The following HS6ST3 variants were observed in gnomAD, a reference collection of about 807,000 sequenced individuals.
HS6ST3 encodes the protein heparan-sulfate 6-O-sulfotransferase 3.
Under a neutral mutation model 36.7 loss-of-function variants are expected in HS6ST3, and 12 were observed. The observed-to-expected ratio is 0.33, with a 90% CI of 0.21 to 0.53. The LOEUF is 0.53. HS6ST3 is among the 20% of genes least tolerant of loss of function. HS6ST3 has a pLI of 0.95. For missense variants in HS6ST3, 584 were observed against 640.9 expected (o/e 0.91, Z 0.96); for synonymous variants, 240 against 257.5 (o/e 0.93, Z 0.65).
At chr13:96,285,699 C>A (rs2054798222) in intron 1 of HS6ST3, among the ~76,000 whole-genome samples, 1 of 152,214 alleles carries the variant, frequency 6.6e-6, no homozygotes, top group Middle Eastern at 3.4e-3. Flanking sequence ...AGGTATCTTT[C>A]GATTGCAAGG....
At chr13:96,298,685 T>C in intron 1 of HS6ST3, among the ~76,000 whole-genome samples, 1 of 152,180 alleles carries the variant, frequency 6.6e-6, no homozygotes. Context: ...CTGAACTCCA[T>C]TTCAGCTTTG....
intron 1 of HS6ST3, among the ~76,000 whole-genome samples, chr13:96,551,644 T>G (rs1341156875): frequency 6.6e-6 from 1 of 152,196 alleles, no homozygotes; most frequent in Non-Finnish European, 1.5e-5. Context: ...AATTCACATT[T>G]TGACCTAATT....
At chr13:96,102,109 C>T (rs1425391704) in intron 1 of HS6ST3, among the ~76,000 whole-genome samples, 2 of 152,124 alleles carry the variant, frequency 1.3e-5, no homozygotes, top group Non-Finnish European at 2.9e-5. Context: ...CCCCACACAG[C>T]TTCCTTGAGT....
intron 1 of HS6ST3, among the ~76,000 whole-genome samples, chr13:96,576,566 T>G (rs2056321963): frequency 6.6e-6 from 1 of 152,184 alleles, no homozygotes; most frequent in Non-Finnish European, 1.5e-5. Context: ...TTGCTAAACT[T>G]TCACCCTTGA....
chr13:96,563,143 C>T lies in HS6ST3; in HGVS notation c.708-269347C>T, dbSNP rs2056268749. ...AATTTAATTTTTCTAATAAATCAAA[C>T]CTTCTAATCATCTTACATAGGTATT... On this transcript the variant is annotated intron_variant, in intron 1 of 1. Coordinates refer to ENST00000376705, the MANE Select transcript of HS6ST3 (RefSeq NM_153456.4). Among the ~76,000 whole-genome samples the T allele has an allele frequency of 2.0e-5, 3 of 151,604 alleles. No individual in the cohort carries two copies. In the South Asian group the frequency reaches 6.3e-4, roughly 32 times the overall value.
At chr13:96,679,880 G>A (rs2056712218) in intron 1 of HS6ST3, among the ~76,000 whole-genome samples, 1 of 152,162 alleles carries the variant, frequency 6.6e-6, no homozygotes. Flanking sequence ...CTTGGCCCCG[G>A]TCTTAAGAGC....
Position 96,420,439 on chromosome 13 carries a change from C to G in HS6ST3, c.707+328870C>G, listed in dbSNP as rs1461421168. On this transcript the variant is annotated intron_variant, in intron 1 of 1. Coordinates refer to ENST00000376705, the MANE Select transcript of HS6ST3 (RefSeq NM_153456.4). ...ATTCATGATATACTTGCTGAATGTA[C>G]TATAACATATCACTTAGACTCGGTG... is the stretch of plus-strand genomic sequence containing the variant. Among the ~76,000 whole-genome samples, 5 of 152,168 alleles carry G rather than the reference C, an allele frequency of 3.3e-5. No individual in the cohort carries two copies. The East Asian group carries it at 9.6e-4, about 29-fold the overall frequency.
At chr13:96,597,587 T>C (rs1259400349) in intron 1 of HS6ST3, among the ~76,000 whole-genome samples, 1 of 152,054 alleles carries the variant, frequency 6.6e-6, no homozygotes, top group Admixed American at 6.6e-5. Flanking sequence ...GGATATTATT[T>C]CTTTCTCAAG....
At chr13:96,512,521 A>G (rs1034207214) in intron 1 of HS6ST3, among the ~76,000 whole-genome samples, 1 of 152,190 alleles carries the variant, frequency 6.6e-6, no homozygotes, top group Admixed American at 6.5e-5. Context: ...CGCATTGAAG[A>G]GTATGAAGTA....
At chr13:96,418,246 C>A (rs1298425664) in intron 1 of HS6ST3, among the ~76,000 whole-genome samples, 1 of 152,058 alleles carries the variant, frequency 6.6e-6, no homozygotes, top group Non-Finnish European at 1.5e-5. Flanking sequence ...TGGAGAGTAG[C>A]CTTGTTCCAC....
intron 1 of HS6ST3, among the ~76,000 whole-genome samples, chr13:96,633,805 C>G (rs1438500379): frequency 6.6e-6 from 1 of 152,084 alleles, no homozygotes; most frequent in Non-Finnish European, 1.5e-5. Context: ...ACGACATTGT[C>G]CTTGGTTAGA....
chr13:96,304,716 T>TTCTTTCTTTCTTTC (rs1165990616), intron 1 of HS6ST3, among the ~76,000 whole-genome samples: 3 of 134,330 alleles, frequency 2.2e-5, no homozygotes, highest in African/African-American at 2.8e-5. Context: ...TCTTTCTTTT[T>TTCTTTCTTTCTTTC]TTTTTTTTTT....
At chr13:96,774,115 TAGAA>T (rs2138509385) in intron 1 of HS6ST3, among the ~76,000 whole-genome samples, 1 of 151,908 alleles carries the variant, frequency 6.6e-6, no homozygotes, top group Non-Finnish European at 1.5e-5. Context: ...AACTAACAAA[TAGAA>T]AGGAATAGCA....
chr13:96,759,137 A>G (rs550669319), intron 1 of HS6ST3, among the ~76,000 whole-genome samples: 6 of 151,880 alleles, frequency 4.0e-5, no homozygotes, highest in Non-Finnish European at 7.4e-5. Context: ...TACGTTTTAC[A>G]TGGTAAATCA....
At chr13:96,342,972 A>G (rs1228801445) in intron 1 of HS6ST3, among the ~76,000 whole-genome samples, 1 of 152,184 alleles carries the variant, frequency 6.6e-6, no homozygotes, top group Non-Finnish European at 1.5e-5. Flanking sequence ...TCTGTCCTCA[A>G]TTTTGTACTG....
rs1002980721 is a variant in HS6ST3 at position 96,410,741 on chromosome 13, C to A, written c.707+319172C>A. 1.3e-5 allele frequency among the ~76,000 whole-genome samples: 2 copies of A among 152,026 alleles called. 1 individual carries two copies. The highest frequency in any genetic ancestry group is 4.1e-4 in the South Asian group (2 of 4,826). Reference sequence around the variant, plus strand: ...ACCTACTAGCATTATTTTAAATAAACAATACTTATGCAGAGAATATCACTT... The same window carrying A: ...ACCTACTAGCATTATTTTAAATAAAAAATACTTATGCAGAGAATATCACTT... On this transcript the variant is annotated intron_variant, in intron 1 of 1. Coordinates refer to ENST00000376705, the MANE Select transcript of HS6ST3 (RefSeq NM_153456.4).
chr13:96,104,289 C>T (rs1269960403), intron 1 of HS6ST3, among the ~76,000 whole-genome samples: 1 of 152,140 alleles, frequency 6.6e-6, no homozygotes, highest in Non-Finnish European at 1.5e-5. Flanking sequence ...ATTTTTGCTT[C>T]TTAATGAGCT....
chr13:96,531,816 G>A (rs748180500), intron 1 of HS6ST3, among the ~76,000 whole-genome samples: 4 of 152,186 alleles, frequency 2.6e-5, no homozygotes, highest in Admixed American at 6.5e-5. Context: ...CACTGTTGGG[G>A]CAACGTGTAT....
At chr13:96,420,516 T>A (rs9516690) in intron 1 of HS6ST3, among the ~76,000 whole-genome samples, 51,769 of 151,994 alleles carry the variant, frequency 0.34, 8,979 homozygotes, top group South Asian at 0.45. Context: ...GCTAGTTTGG[T>A]GAATACTTGG....
Sources: allele counts gnomAD v4.1 joint callset (sites outside exome capture counted in the v4.1 genomes callset), GRCh38; gene constraint gnomAD v4.1.1; transcripts MANE v1.5; gene names NCBI Gene and HGNC (gene_info 2026-07-23, HGNC 2026-07-21).